CTNNA3: variants seen among roughly 807,000 people sequenced by gnomAD.
CTNNA3 encodes the protein catenin alpha 3, also known as catenin alpha-3.
In CTNNA3, 76 loss-of-function variants were observed where a neutral mutation model predicts 95.7. The ratio of observed to expected loss-of-function variants is 0.79; its 90% CI spans 0.66 to 0.96. The LOEUF (loss-of-function observed/expected upper bound fraction) is 0.96. CTNNA3 is among the 40% of genes least tolerant of loss of function. The pLI is 0.00. For synonymous variants in CTNNA3, 431 were observed against 374.4 expected, an observed-to-expected ratio of 1.15 and a Z score of -1.74; for missense variants, 1,191 against 1,089.8, an observed-to-expected ratio of 1.09 and a Z score of -1.31.
intron 6 of CTNNA3, among the ~76,000 whole-genome samples, chr10:67,196,183 T>G (rs148680256): frequency 7.9e-4 from 121 of 152,208 alleles, no homozygotes; most frequent in Non-Finnish European, 3.1e-4. Flanking sequence ...GTCTAGTATA[T>G]TTCCTGTTTT....
chr10:66,883,143 G>A (rs753617583), intron 7 of CTNNA3, among the ~76,000 whole-genome samples: 2 of 152,082 alleles, frequency 1.3e-5, no homozygotes. Flanking sequence ...CTGCAAGAAA[G>A]AAATAAGTAT....
intron 7 of CTNNA3, among the ~76,000 whole-genome samples, chr10:67,109,171 G>C (rs953795615): frequency 6.6e-6 from 1 of 152,124 alleles, no homozygotes; most frequent in Non-Finnish European, 1.5e-5. Context: ...TATGGCATAA[G>C]ACTGATATGA....
At chr10:67,618,230 A>G (rs1843718125) in intron 2 of CTNNA3, among the ~76,000 whole-genome samples, 1 of 152,198 alleles carries the variant, frequency 6.6e-6, no homozygotes, top group South Asian at 2.1e-4. Flanking sequence ...AAAAAATCCA[A>G]TCATACCAAA....
chr10:67,460,954 TTG>T (rs1387046454), intron 5 of CTNNA3, among the ~76,000 whole-genome samples: 1 of 152,168 alleles, frequency 6.6e-6, no homozygotes, highest in Non-Finnish European at 1.5e-5. Context: ...TTTATATGAT[TTG>T]TGAGTTGGTG....
chr10:67,572,050 TTGTA>T (rs1202727950), intron 3 of CTNNA3, among the ~76,000 whole-genome samples: 1 of 152,146 alleles, frequency 6.6e-6, no homozygotes, highest in Non-Finnish European at 1.5e-5. Flanking sequence ...TTCAAATACT[TTGTA>T]TGGGAAAATG....
chr10:66,811,842 A>G (rs6480216), intron 7 of CTNNA3, among the ~76,000 whole-genome samples: 129,628 of 152,196 alleles, frequency 0.85, 55,757 homozygotes, highest in East Asian at 1. Context: ...CTTCTGAATC[A>G]GATTGCCTGT....
At chr10:67,488,677 T>TTTTTC (rs1422651694) in intron 5 of CTNNA3, among the ~76,000 whole-genome samples, 1 of 149,232 alleles carries the variant, frequency 6.7e-6, no homozygotes, top group African/African-American at 2.5e-5. Context: ...GGCCTCTTTT[T>TTTTTC]TTTTTTTTTT....
At chr10:66,109,173 A>G (rs978697389) in intron 13 of CTNNA3, among the ~76,000 whole-genome samples, 8 of 152,224 alleles carry the variant, frequency 5.3e-5, no homozygotes, top group African/African-American at 1.9e-4. Flanking sequence ...TGTCATGGAA[A>G]CAGTGGTAGA....
intron 9 of CTNNA3, among the ~76,000 whole-genome samples, chr10:66,689,101 CATGAATCAATGAATCA>C (rs55997095): frequency 1.3e-5 from 2 of 151,466 alleles, no homozygotes; most frequent in African/African-American, 2.4e-5. Flanking sequence ...TGTGTGTATC[CATGAATCAATGAATCA>C]ATGAATCAAT....
At chr10:66,663,396 T>G (rs1423732793) in intron 9 of CTNNA3, among the ~76,000 whole-genome samples, 1 of 151,778 alleles carries the variant, frequency 6.6e-6, no homozygotes, top group African/African-American at 2.4e-5. Context: ...TTGTCCAGGA[T>G]ATTTTCATGA....
At chr10:67,281,599 G>A (rs1398640702) in intron 5 of CTNNA3, among the ~76,000 whole-genome samples, 4 of 151,782 alleles carry the variant, frequency 2.6e-5, no homozygotes, top group Non-Finnish European at 5.9e-5. Flanking sequence ...AATTCAGCAG[G>A]GACTCCTTAT....
chr10:66,639,961 C>CCT (rs148452371), intron 9 of CTNNA3, among the ~76,000 whole-genome samples: 11 of 150,230 alleles, frequency 7.3e-5, no homozygotes, highest in South Asian at 2.1e-4. Flanking sequence ...GAACTGTGCA[C>CCT]CTCTCTCTCT....
At chr10:66,288,630 C>T (rs940308113) in intron 12 of CTNNA3, among the ~76,000 whole-genome samples, 1 of 152,048 alleles carries the variant, frequency 6.6e-6, no homozygotes, top group African/African-American at 2.4e-5. Flanking sequence ...CCACATATGG[C>T]TACCATATTA....
intron 10 of CTNNA3, among the ~76,000 whole-genome samples, chr10:66,585,928 T>C (rs893748919): frequency 6.6e-6 from 1 of 152,156 alleles, no homozygotes; most frequent in Non-Finnish European, 1.5e-5. Context: ...TTTGATTCAA[T>C]TGGGTTTAAA....
chr10:66,952,291 A>C (rs1848576001), intron 7 of CTNNA3, among the ~76,000 whole-genome samples: 1 of 152,214 alleles, frequency 6.6e-6, no homozygotes, highest in Non-Finnish European at 1.5e-5. Flanking sequence ...AAAAGTTCTG[A>C]GGCTTTGAAA....
intron 9 of CTNNA3, among the ~76,000 whole-genome samples, chr10:66,702,918 G>A (rs1267812537): frequency 6.6e-6 from 1 of 152,100 alleles, no homozygotes; most frequent in East Asian, 1.9e-4. Flanking sequence ...TGTTAACAAT[G>A]TCATTTTAAT....
intron 17 of CTNNA3, among the ~76,000 whole-genome samples, chr10:65,925,767 T>C (rs913927957): frequency 1.3e-5 from 2 of 152,292 alleles, no homozygotes; most frequent in East Asian, 3.9e-4. Flanking sequence ...TTCTATTCCT[T>C]TCTACTGACT....
chr10:67,392,979 C>T (rs898310661), intron 5 of CTNNA3, among the ~76,000 whole-genome samples: 21 of 151,840 alleles, frequency 1.4e-4, no homozygotes, highest in African/African-American at 3.9e-4. Flanking sequence ...GTGGGTGCAG[C>T]GCACCAGCAT....
chr10:66,716,996 AC>A (rs1394378709), intron 9 of CTNNA3, among the ~76,000 whole-genome samples: 1 of 151,920 alleles, frequency 6.6e-6, no homozygotes, highest in African/African-American at 2.4e-5. Flanking sequence ...GGTGGGCTTC[AC>A]CCAGTAAGTT....
Sources: gnomAD v4.1 joint callset for allele counts (sites outside exome capture counted in the v4.1 genomes callset) on GRCh38, gnomAD v4.1.1 for gene constraint, MANE v1.5 for transcripts, NCBI Gene and HGNC (gene_info 2026-07-23, HGNC 2026-07-21) for gene names.